The following SEMA3E variants were observed in gnomAD, a reference collection of about 807,000 sequenced individuals.
SEMA3E encodes semaphorin-3E.
SEMA3E carries 49 observed loss-of-function variants against 93.6 expected under a neutral mutation model. That is an observed-to-expected ratio of 0.52 (90% confidence interval 0.42 to 0.66). The LOEUF (loss-of-function observed/expected upper bound fraction) is 0.66, where lower values mean the gene tolerates loss of function less well. SEMA3E is among the 30% of genes least tolerant of loss of function. The pLI, the probability that SEMA3E is intolerant of heterozygous loss-of-function variation, is 0.00. For synonymous variants in SEMA3E, 363 were observed against 330.7 expected (o/e 1.10, Z -1.06); for missense variants, 906 against 964.8 (o/e 0.94, Z 0.81).
chr7:83,500,236 G>C (rs1302065954), intron 1 of SEMA3E, among the ~76,000 whole-genome samples: 1 of 152,142 alleles, frequency 6.6e-6, no homozygotes, highest in Non-Finnish European at 1.5e-5. Flanking sequence ...AGGAGTTCAA[G>C]ACCAGTCTGG....
At chr7:83,616,302 T>C (rs1793366171) in intron 1 of SEMA3E, among the ~76,000 whole-genome samples, 1 of 152,180 alleles carries the variant, frequency 6.6e-6, no homozygotes, top group African/African-American at 2.4e-5. Context: ...ATTCATGCTA[T>C]GTCCTATTTT....
intron 1 of SEMA3E, among the ~76,000 whole-genome samples, chr7:83,552,885 G>A (rs1166511918): frequency 6.6e-6 from 1 of 152,110 alleles, no homozygotes; most frequent in Non-Finnish European, 1.5e-5. Context: ...CAGTAGTTCT[G>A]CTTTTGCCCT....
chr7:83,490,791 T>C (rs554868460), intron 1 of SEMA3E, among the ~76,000 whole-genome samples: 2 of 152,150 alleles, frequency 1.3e-5, no homozygotes, highest in Non-Finnish European at 2.9e-5. Flanking sequence ...CTGATAAAAC[T>C]GGTGGGAATA....
intron 2 of SEMA3E, among the ~76,000 whole-genome samples, chr7:83,487,841 C>G (rs971992669): frequency 2.0e-5 from 3 of 151,612 alleles, no homozygotes; most frequent in Admixed American, 1.3e-4. Flanking sequence ...GGGTGAAATG[C>G]AATATTTGCT....
At chr7:83,545,552 G>GAAAAA (rs3068645) in intron 1 of SEMA3E, among the ~76,000 whole-genome samples, 20,872 of 83,486 alleles carry the variant, frequency 0.25, 1,551 homozygotes, top group Middle Eastern at 0.31. Context: ...GAAGAGAAAT[G>GAAAAA]AAAAAAAAAA....
intron 16 of SEMA3E, among the ~76,000 whole-genome samples, chr7:83,378,384 C>T (rs1787702170): frequency 6.6e-6 from 1 of 151,886 alleles, no homozygotes; most frequent in East Asian, 1.9e-4. Context: ...CACATTTCTT[C>T]TTTATAGCTA....
In SEMA3E at chr7:83,548,287, C is replaced by T. The variant is rs570784796; in HGVS notation, c.116-58013G>A. Among the ~76,000 whole-genome samples the T allele has an allele frequency of 4.6e-5, 7 of 152,198 alleles. No individual in the cohort carries two copies. The South Asian group carries it at 1.4e-3, about 32-fold the overall frequency. On this transcript the variant is annotated intron_variant, in intron 1 of 16. Coordinates refer to ENST00000643230, the MANE Select transcript of SEMA3E (RefSeq NM_012431.3). The stretch of plus-strand genomic sequence containing the variant: ...TATTTAATGACTAAGTTTTCTCCAC[C>T]TTACAGCTCTACTTCAAGTTTTTCA...
intron 1 of SEMA3E, among the ~76,000 whole-genome samples, chr7:83,642,479 T>C (rs1305592326): frequency 6.6e-6 from 1 of 152,130 alleles, no homozygotes; most frequent in African/African-American, 2.4e-5. Context: ...TTGGTGTAAA[T>C]GTGGTATGGA....
At chr7:83,400,779 A>G (rs1314245413) in intron 10 of SEMA3E, among the ~76,000 whole-genome samples, 1 of 152,130 alleles carries the variant, frequency 6.6e-6, no homozygotes. Context: ...ACATATTCAA[A>G]TTATTTTCTC....
At chr7:83,435,284 TA>T (rs1788982142) in intron 4 of SEMA3E, among the ~76,000 whole-genome samples, 1 of 152,140 alleles carries the variant, frequency 6.6e-6, no homozygotes, top group Non-Finnish European at 1.5e-5. Flanking sequence ...AACTGTTGCT[TA>T]CTTAATAAAG....
At chr7:83,410,043 G>A (rs938249555) in intron 5 of SEMA3E, among the ~76,000 whole-genome samples, 1 of 151,494 alleles carries the variant, frequency 6.6e-6, no homozygotes, top group East Asian at 1.9e-4. Flanking sequence ...AAAAAAATAA[G>A]CTTTAGAAGT....
intron 1 of SEMA3E, among the ~76,000 whole-genome samples, chr7:83,593,270 C>CTG (rs1792792340): frequency 3.7e-5 from 4 of 107,534 alleles, no homozygotes; most frequent in African/African-American, 1.3e-4. Flanking sequence ...GTCTCTCTCT[C>CTG]TCTCTCTCTC....
chr7:83,379,757 T>C (rs1787741460), intron 16 of SEMA3E, among the ~76,000 whole-genome samples: 2 of 151,880 alleles, frequency 1.3e-5, no homozygotes, highest in Admixed American at 1.3e-4. Context: ...TAACTCAGTC[T>C]CTCTGTGCTT....
At chr7:83,459,586 T>A (rs1018761189) in intron 4 of SEMA3E, among the ~76,000 whole-genome samples, 1 of 152,202 alleles carries the variant, frequency 6.6e-6, no homozygotes, top group Non-Finnish European at 1.5e-5. Context: ...TTCTTTAAAA[T>A]GAATCAATAA....
At chr7:83,604,080 C>G (rs1028591282) in intron 1 of SEMA3E, among the ~76,000 whole-genome samples, 8 of 151,894 alleles carry the variant, frequency 5.3e-5, no homozygotes, top group Non-Finnish European at 1.2e-4. Flanking sequence ...TGACTATAAC[C>G]ACAGTTTCTG....
chr7:83,410,247 G>A (rs1270520368), intron 5 of SEMA3E, among the ~76,000 whole-genome samples: 1 of 151,924 alleles, frequency 6.6e-6, no homozygotes, highest in African/African-American at 2.4e-5. Context: ...GTGTCAGAGT[G>A]TTAACAATTG....
chr7:83,438,904 C>T (rs966634865), intron 4 of SEMA3E, among the ~76,000 whole-genome samples: 1 of 152,128 alleles, frequency 6.6e-6, no homozygotes, highest in South Asian at 2.1e-4. Flanking sequence ...ACCATCTTGA[C>T]TCCAAGTTAA....
chr7:83,597,389 G>A (rs1411608697), intron 1 of SEMA3E, among the ~76,000 whole-genome samples: 1 of 152,080 alleles, frequency 6.6e-6, no homozygotes, highest in Admixed American at 6.6e-5. Flanking sequence ...AGCCAAGAAG[G>A]GCCTTAGTGA....
chr7:83,373,878 G>A (rs1239047451), intron 16 of SEMA3E, among the ~76,000 whole-genome samples: 1 of 152,124 alleles, frequency 6.6e-6, no homozygotes, highest in African/African-American at 2.4e-5. Context: ...TAGTAAGAAT[G>A]CAAGTTAACA....
Sources: gnomAD v4.1 joint callset for allele counts (sites outside exome capture counted in the v4.1 genomes callset) on GRCh38, gnomAD v4.1.1 for gene constraint, MANE v1.5 for transcripts, NCBI Gene and HGNC (gene_info 2026-07-23, HGNC 2026-07-21) for gene names.